Variants in AP1M1 observed in about 807,000 individuals in gnomAD.
The protein encoded by AP1M1 is adaptor related protein complex 1 subunit mu 1, also known as AP-1 complex subunit mu-1.
In AP1M1, 18 loss-of-function variants were observed where a neutral mutation model predicts 57.1. The observed-to-expected ratio is 0.32, with a 90% confidence interval of 0.22 to 0.47. The LOEUF is 0.47. AP1M1 is among the 20% of genes least tolerant of loss of function. AP1M1 has a pLI of 1.00. For missense variants in AP1M1, 362 were observed against 593.5 expected, an observed-to-expected ratio of 0.61 and a Z score of 4.05; for synonymous variants, 241 against 237.9, an observed-to-expected ratio of 1.01 and a Z score of -0.12.
chr19:16,231,668 C>T (rs1022335415), intron 9 of AP1M1, among the ~76,000 whole-genome samples: 1 of 152,162 alleles, frequency 6.6e-6, no homozygotes, highest in East Asian at 1.9e-4. Flanking sequence ...CTGCCTGCTT[C>T]GGCCTCCCAA....
intron 2 of AP1M1, among the ~76,000 whole-genome samples, chr19:16,205,879 A>C (rs567403992): frequency 1.3e-5 from 2 of 152,292 alleles, no homozygotes; most frequent in East Asian, 1.9e-4. Flanking sequence ...GTGTTTCCAA[A>C]GCCAGGAAGG....
intron 5 of AP1M1, 50 bp downstream of exon 5, chr19:16,209,227 T>C (rs1306665196): frequency 1.3e-6 from 2 of 1,598,076 alleles, no homozygotes; most frequent in Middle Eastern, 1.7e-4. Context: ...TCTTCCACGA[T>C]AGAAATAAAC....
chr19:16,219,064 G>GT (rs35202979), intron 5 of AP1M1, among the ~76,000 whole-genome samples: 20,633 of 142,822 alleles, frequency 0.14, 2,690 homozygotes, highest in African/African-American at 0.33. Flanking sequence ...TTTGCTAACA[G>GT]TTTTTTTTTT....
chr19:16,206,203 T>C lies in AP1M1; in HGVS notation c.200-138T>C, dbSNP rs558668955. The C allele has an allele frequency of 2.6e-5, 22 of 843,944 alleles. No homozygotes were observed. In the African/African-American group the frequency reaches 3.1e-4, roughly 12 times the overall value. 52.3% of individuals were successfully genotyped at this position (843,944 alleles called of 1,614,324 possible). ...GGACCAGGAGCTTTGTAGCCCACCA[T>C]GGGCCAAGTAAACGGCTGGGAGTGG... On this transcript the variant is annotated intron_variant, in intron 2 of 11. Coordinates refer to ENST00000291439, the MANE Select transcript of AP1M1 (RefSeq NM_032493.4). The surrounding 1 kb of genome is among the most constrained non-coding windows in gnomAD (Gnocchi z 4.3).
chr19:16,208,051 G>A lies in AP1M1; in HGVS notation c.300G>A (p.Glu100=). Residue 100 remains glutamate (E), a synonymous_variant, in exon 4 of 12, where the codon GAG becomes GAA. Transcript: ENST00000291439. ...CCGAGTACTTCAAGGAGCTGGAGGA[G>A]GAGAGCATCCGGGACAACTTTGTTA... is the stretch of plus-strand genomic sequence containing the variant. The part of the protein sequence containing the change: ...VFSEYFKELE[E]ESIRDNFVII... 1 of 1,613,972 alleles carries A rather than the reference G, an allele frequency of 6.2e-7. No individual in the cohort carries two copies. The highest frequency in any genetic ancestry group is 8.5e-7 in the Non-Finnish European group (1 of 1,179,942).
intron 10 of AP1M1, 127 bp from the exon 11 acceptor site, chr19:16,234,072 A>C (rs2091611768): frequency 2.3e-6 from 2 of 864,280 alleles, no homozygotes; most frequent in African/African-American, 3.4e-5. Context: ...CACCCCCCTG[A>C]GGCCTGTGCT....
chr19:16,216,313 C>T (rs1297586359), intron 5 of AP1M1, among the ~76,000 whole-genome samples: 16 of 152,110 alleles, frequency 1.1e-4, no homozygotes, highest in East Asian at 7.7e-4. Flanking sequence ...GGTGTGGTGG[C>T]GGGCGCCTGT....
intron 4 of AP1M1, among the ~76,000 whole-genome samples, chr19:16,208,566 C>T (rs973116276): frequency 2.6e-5 from 4 of 152,302 alleles, no homozygotes; most frequent in African/African-American, 9.6e-5. Context: ...TTCACAGCCT[C>T]CCCGTATACC....
rs995790293 is a variant in AP1M1 at position 16,237,179 on chromosome 19, A to T, written c.*2744A>T. Reference sequence around the variant, plus strand: ...CCAGGCGTGGTGGCTCACGCCCGTGAGCCCAATACTTTGGGAAGCCGAGGC... The same window carrying T: ...CCAGGCGTGGTGGCTCACGCCCGTGTGCCCAATACTTTGGGAAGCCGAGGC... On this transcript the variant is annotated 3_prime_UTR_variant, in exon 12 of 12. Coordinates refer to ENST00000291439, the MANE Select transcript of AP1M1 (RefSeq NM_032493.4). The T allele has an allele frequency of 6.6e-6, 1 of 152,278 alleles. No homozygotes were observed. Among genetic ancestry groups the T allele is most frequent in the Non-Finnish European group, 1.5e-5 (1 of 68,058 alleles). 9.4% of individuals were successfully genotyped at this position (152,278 alleles called of 1,614,324 possible).
chr19:16,228,679 C>A lies in AP1M1; in HGVS notation c.889-91C>A. The A allele has an allele frequency of 6.7e-7, 1 of 1,490,040 alleles. No homozygotes were observed. Among genetic ancestry groups the A allele is most frequent in the South Asian group, 1.2e-5 (1 of 82,986 alleles). The allele number at this position is 1,490,040 out of a possible 1,614,324, so 92.3% of individuals were successfully genotyped here. A position where few individuals can be genotyped will look rare whatever the true frequency, so the allele number is the denominator to read the frequency against. Reference sequence around the variant, plus strand: ...CCAGGGGCGGGGCTAGGGAGGATCCCCCGGGCCAGGCTGAGGGGCATGTGT... The same window carrying A: ...CCAGGGGCGGGGCTAGGGAGGATCCACCGGGCCAGGCTGAGGGGCATGTGT... On this transcript the variant is annotated intron_variant, in intron 8 of 11. Coordinates refer to ENST00000291439, the MANE Select transcript of AP1M1 (RefSeq NM_032493.4). The surrounding 1 kb of genome is among the most constrained non-coding windows in gnomAD (Gnocchi z 5.0).
chr19:16,209,131 G>C lies in AP1M1; in HGVS notation c.500G>C (p.Arg167Pro). 1 of 1,614,202 alleles carries C rather than the reference G, an allele frequency of 6.2e-7. No homozygotes were observed. The highest frequency in any genetic ancestry group is 8.5e-7 in the Non-Finnish European group (1 of 1,180,036). ...VSWRSEGIKY[R>P]KNEVFLDVIE... Reference sequence around the variant, plus strand: ...TGGCGGTCCGAAGGCATCAAGTATCGGAAGAATGAGGTGTTCTTGGACGTC... The same window carrying C: ...TGGCGGTCCGAAGGCATCAAGTATCCGAAGAATGAGGTGTTCTTGGACGTC... Residue 167 changes from arginine (R) to proline (P), a missense_variant, in exon 5 of 12, where the codon CGG (arginine) becomes CCG (proline). Arg to Pro is a moderately radical substitution (Grantham distance 103). Around this residue, in one of 2 missense-constraint regions of AP1M1, gnomAD observed 337 missense variants for 511.1 expected, o/e 0.66. Coordinates refer to ENST00000291439, the MANE Select transcript of AP1M1 (RefSeq NM_032493.4).
At chr19:16,216,336 T>G (rs1436323177) in intron 5 of AP1M1, among the ~76,000 whole-genome samples, 1 of 152,022 alleles carries the variant, frequency 6.6e-6, no homozygotes, top group African/African-American at 2.4e-5. Context: ...TCCCAGCTAC[T>G]TGGGAGGCTG....
chr19:16,233,394 G>T lies in AP1M1; in HGVS notation c.1048-99G>T, dbSNP rs1307989208. ...GCTCATGCTCCCCTCCCTGGACTGGGGTGAGTGGTCAGTCTCTGCCCATCG... is the reference window on the plus strand; with the variant it reads ...GCTCATGCTCCCCTCCCTGGACTGGTGTGAGTGGTCAGTCTCTGCCCATCG... On this transcript the variant is annotated intron_variant, in intron 9 of 11. Coordinates refer to ENST00000291439, the MANE Select transcript of AP1M1 (RefSeq NM_032493.4). 7 of 1,418,854 alleles carry T rather than the reference G, an allele frequency of 4.9e-6. No individual in the cohort carries two copies. In the East Asian group the frequency reaches 1.8e-4, roughly 36 times the overall value. 87.9% of individuals were successfully genotyped at this position (1,418,854 alleles called of 1,614,324 possible).
chr19:16,236,693 A>G lies in AP1M1; in HGVS notation c.*2258A>G, dbSNP rs955227594. 25 of 152,252 alleles carry G rather than the reference A, an allele frequency of 1.6e-4. No individual in the cohort carries two copies. Among genetic ancestry groups the G allele is most frequent in the Admixed American group, 5.2e-4 (8 of 15,286 alleles). The allele number at this position is 152,252 out of a possible 1,614,324, so 9.4% of individuals were successfully genotyped here. ...TCCACAGGAGAAAAAGTCACCACTC[A>G]TTTAGACCCCACGCTTGTAATATCA... On this transcript the variant is annotated 3_prime_UTR_variant, in exon 12 of 12. Transcript: ENST00000291439.
rs901514813 is a variant in AP1M1, at chr19:16,207,864, T to C, written c.268-155T>C. Among the ~76,000 whole-genome samples, 10 of 152,106 alleles carry C rather than the reference T, an allele frequency of 6.6e-5. No individual in the cohort carries two copies. Among genetic ancestry groups the C allele is most frequent in the Non-Finnish European group, 2.9e-5 (2 of 68,000 alleles). The stretch of plus-strand genomic sequence containing the variant: ...GCCACTGCTGTCCTGCCCCATAACC[T>C]GGGTCCAGGGCCCTGTAGCACACCA... On this transcript the variant is annotated intron_variant, in intron 3 of 11. Transcript: ENST00000291439. The surrounding 1 kb of genome is among the most constrained non-coding windows in gnomAD (Gnocchi z 4.2).
At position 16,241,537 on chromosome 19, in the gene AP1M1, GTGT is replaced by G. The variant is rs1317303154; in HGVS notation, c.*7104_*7106del. On this transcript the variant is annotated 3_prime_UTR_variant, in exon 12 of 12. Transcript: ENST00000291439. ...AACTGAAGTACTAGACAACATCCTG[GTGT>G]TCATGCCTTTCAAGGTCACTATGCT... 6.6e-6 allele frequency: 1 copy of G among 152,166 alleles called. No homozygotes were observed. The highest frequency in any genetic ancestry group is 1.5e-5 in the Non-Finnish European group (1 of 68,046). The allele number at this position is 152,166 out of a possible 1,614,324, so 9.4% of individuals were successfully genotyped here. A position where few individuals can be genotyped will look rare whatever the true frequency, so the allele number is the denominator to read the frequency against.
Position 16,227,521 on chromosome 19 carries a change from C to G in AP1M1, c.674-27C>G. 1 of 1,605,994 alleles carries G rather than the reference C, an allele frequency of 6.2e-7. No homozygotes were observed. Among genetic ancestry groups the G allele is most frequent in the Non-Finnish European group, 8.5e-7 (1 of 1,173,462 alleles). On this transcript the variant is annotated intron_variant, in intron 6 of 11. Transcript: ENST00000291439. The surrounding 1 kb of genome is among the most constrained non-coding windows in gnomAD (Gnocchi z 6.2). ...AGATAGTGACCCGGAGGGCCCAGAT[C>G]TGTCCTACCCTCACCCCTGACCCCA...
chr19:16,229,568 A>G (rs770042826), intron 9 of AP1M1, among the ~76,000 whole-genome samples: 18 of 152,086 alleles, frequency 1.2e-4, no homozygotes, highest in Non-Finnish European at 2.6e-4. Context: ...GCTGCTTTCC[A>G]TGTTCTCCCC....
In AP1M1 at chr19:16,203,186, A is replaced by G. The variant is rs2091455708; in HGVS notation, c.43-273A>G. The stretch of plus-strand genomic sequence containing the variant: ...TTAACCTGATGTCTCTGGGTGATTC[A>G]GTCCTGGACCTTTGCTGCAGAGTTC... On this transcript the variant is annotated intron_variant, in intron 1 of 11. Transcript: ENST00000291439. This position sits in a 1 kb window ranked among gnomAD's most constrained non-coding sequence, Gnocchi z 4.6. 6.4e-6 allele frequency: 3 copies of G among 470,036 alleles called. No individual in the cohort carries two copies. The highest frequency in any genetic ancestry group is 5.9e-4 in the Middle Eastern group (1 of 1,686). The allele number at this position is 470,036 out of a possible 1,614,324, so 29.1% of individuals were successfully genotyped here.
Sources: gnomAD v4.1 joint callset for allele counts (sites outside exome capture counted in the v4.1 genomes callset) on GRCh38, gnomAD v4.1.1 for gene constraint, gnomAD v4.1.1 regional missense constraint, Gnocchi (gnomAD v3.1) non-coding constraint, MANE v1.5 for transcripts, NCBI Gene and HGNC (gene_info 2026-07-23, HGNC 2026-07-21) for gene names.